The following UCK2 variants were observed in gnomAD, a reference collection of about 807,000 sequenced individuals.
UCK2 encodes uridine-cytidine kinase 2, also known as cytidine monophosphokinase 2.
Under a neutral mutation model 30.8 loss-of-function variants are expected in UCK2, and 6 were observed. That is an observed-to-expected ratio of 0.19 (90% CI 0.11 to 0.38). UCK2 has a LOEUF of 0.38. Ranked by LOEUF, UCK2 falls within the 10% of genes least tolerant of loss-of-function variation. The pLI is 1.00. For missense variants in UCK2, 210 were observed against 339.8 expected, an observed-to-expected ratio of 0.62 and a Z score of 3.00; for synonymous variants, 125 against 133.6, an observed-to-expected ratio of 0.94 and a Z score of 0.45.
At chr1:165,840,107 C>T (rs1472415444) in intron 1 of UCK2, among the ~76,000 whole-genome samples, 3 of 152,268 alleles carry the variant, frequency 2.0e-5, no homozygotes, top group East Asian at 3.9e-4. Flanking sequence ...TTAGTAGAGG[C>T]GGGGTTTCAC....
At chr1:165,845,066 C>T (rs997296620) in intron 1 of UCK2, among the ~76,000 whole-genome samples, 2 of 152,162 alleles carry the variant, frequency 1.3e-5, no homozygotes, top group Admixed American at 6.5e-5. Context: ...CTGTCAGAAG[C>T]ACAGGTCACA....
At chr1:165,872,853 CA>C (rs1186814622) in intron 1 of UCK2, among the ~76,000 whole-genome samples, 11 of 152,164 alleles carry the variant, frequency 7.2e-5, no homozygotes, top group Admixed American at 1.3e-4. Context: ...AAGGGATGTA[CA>C]CGAAACTGAA....
chr1:165,839,986 G>A (rs189797997), intron 1 of UCK2, among the ~76,000 whole-genome samples: 2 of 152,222 alleles, frequency 1.3e-5, no homozygotes, highest in Non-Finnish European at 2.9e-5. Context: ...AGTGTGGCGC[G>A]ATCTCGGCCC....
intron 1 of UCK2, among the ~76,000 whole-genome samples, chr1:165,868,443 A>G (rs1443668146): frequency 2.0e-5 from 3 of 152,236 alleles, no homozygotes; most frequent in Non-Finnish European, 2.9e-5. Context: ...TTTTTTCTAC[A>G]TTGAAAAAAT....
chr1:165,830,330 AT>A (rs55852320), intron 1 of UCK2, among the ~76,000 whole-genome samples: 86,132 of 138,452 alleles, frequency 0.62, 27,269 homozygotes, highest in East Asian at 0.96. Context: ...TTTTTTTATT[AT>A]TTTTTTTTTT....
chr1:165,839,992 G>C (rs906291323), intron 1 of UCK2, among the ~76,000 whole-genome samples: 7 of 152,126 alleles, frequency 4.6e-5, no homozygotes, highest in Non-Finnish European at 1.0e-4. Flanking sequence ...GCGCGATCTC[G>C]GCCCACTGCA....
intron 6 of UCK2, among the ~76,000 whole-genome samples, chr1:165,907,115 G>A (rs751764956): frequency 3.3e-5 from 5 of 152,138 alleles, no homozygotes; most frequent in South Asian, 2.1e-4. Flanking sequence ...GAGATGTGGC[G>A]TGGTCCTCTT....
intron 1 of UCK2, among the ~76,000 whole-genome samples, chr1:165,842,622 T>C (rs566377368): frequency 1.3e-5 from 2 of 152,196 alleles, no homozygotes; most frequent in Non-Finnish European, 1.5e-5. Flanking sequence ...TCCACATCCA[T>C]ATTTCTTGCC....
intron 1 of UCK2, among the ~76,000 whole-genome samples, chr1:165,865,086 T>C (rs548206689): frequency 4.8e-4 from 73 of 152,360 alleles, no homozygotes; most frequent in African/African-American, 1.7e-3. Flanking sequence ...TTTTCAAATG[T>C]CCTTTGGTAG....
chr1:165,846,683 G>A (rs1404049454), intron 1 of UCK2, among the ~76,000 whole-genome samples: 8 of 152,296 alleles, frequency 5.3e-5, no homozygotes, highest in Admixed American at 2.0e-4. Context: ...CCCAGGATGA[G>A]GATAAGCACG....
At chr1:165,907,276 G>A in intron 6 of UCK2, among the ~76,000 whole-genome samples, 1 of 151,456 alleles carries the variant, frequency 6.6e-6, no homozygotes, top group East Asian at 1.9e-4. Context: ...CCTTCCATAG[G>A]GATGCTCTGT....
chr1:165,902,592 A>ATTTGTTTTTTTTTTTT (rs1647514409), intron 4 of UCK2: 1 of 45,758 alleles, frequency 2.2e-5, no homozygotes, highest in Non-Finnish European at 3.8e-5. Context: ...TCACTGAGTG[A>ATTTGTTTTTTTTTTTT]TTTTTTTTTT....
At chr1:165,907,134 A>G (rs1161396858) in intron 6 of UCK2, among the ~76,000 whole-genome samples, 1 of 152,208 alleles carries the variant, frequency 6.6e-6, no homozygotes, top group African/African-American at 2.4e-5. Flanking sequence ...TTTGTGTATC[A>G]CATCAGAAAG....
intron 1 of UCK2, among the ~76,000 whole-genome samples, chr1:165,835,680 T>C (rs1019433674): frequency 1.3e-5 from 2 of 152,234 alleles, no homozygotes; most frequent in Non-Finnish European, 2.9e-5. Context: ...TTTTAAAACA[T>C]GTAGATGAAC....
intron 1 of UCK2, among the ~76,000 whole-genome samples, chr1:165,828,315 A>G (rs1184917526): frequency 6.6e-6 from 1 of 152,090 alleles, no homozygotes; most frequent in East Asian, 1.9e-4. Context: ...CTAACCCCCG[A>G]TGGACTCCCT....
chr1:165,891,141 C>T (rs891466404), intron 2 of UCK2, 85 bp from the exon 3 acceptor site: 14 of 1,208,686 alleles, frequency 1.2e-5, no homozygotes, highest in Non-Finnish European at 1.7e-5. Flanking sequence ...TGCCCATATA[C>T]ATGTTTATGA....
chr1:165,898,275 G>T (rs1257642810), intron 4 of UCK2, among the ~76,000 whole-genome samples: 1 of 151,678 alleles, frequency 6.6e-6, no homozygotes, highest in Non-Finnish European at 1.5e-5. Flanking sequence ...GGCAAATTGT[G>T]TTTTAACTTT....
At chr1:165,855,821 A>G (rs1329535194) in intron 1 of UCK2, among the ~76,000 whole-genome samples, 3 of 151,856 alleles carry the variant, frequency 2.0e-5, no homozygotes, top group Non-Finnish European at 4.4e-5. Flanking sequence ...GAGAGTTGGA[A>G]CCCTGTTTCC....
intron 1 of UCK2, among the ~76,000 whole-genome samples, chr1:165,835,664 C>T (rs1467969507): frequency 1.3e-5 from 2 of 152,122 alleles, no homozygotes; most frequent in Non-Finnish European, 2.9e-5. Flanking sequence ...GACCTATTGT[C>T]ATACATTTTA....
Sources: allele counts gnomAD v4.1 joint callset (sites outside exome capture counted in the v4.1 genomes callset), GRCh38; gene constraint gnomAD v4.1.1; transcripts MANE v1.5; gene names NCBI Gene and HGNC (gene_info 2026-07-23, HGNC 2026-07-21).